KANK3: variants seen among roughly 807,000 people sequenced by gnomAD.
The protein encoded by KANK3 is KN motif and ankyrin repeat domains 3.
KANK3 carries 61 observed loss-of-function variants against 65.4 expected under a neutral mutation model. The ratio of observed to expected loss-of-function variants is 0.93; its 90% CI spans 0.76 to 1.15. KANK3 has a LOEUF of 1.15. Ranked by LOEUF, KANK3 falls within the 50% of genes most tolerant of loss-of-function variation. KANK3 has a pLI of 0.00. For missense variants in KANK3, 1,187 were observed against 1,178.8 expected, an observed-to-expected ratio of 1.01 and a Z score of -0.10; for synonymous variants, 586 against 543.3, an observed-to-expected ratio of 1.08 and a Z score of -1.09.
Position 8,335,311 on chromosome 19 carries a change from G to T in KANK3, c.516C>A (p.Asn172Lys). 1 of 1,200,122 alleles carries T rather than the reference G, an allele frequency of 8.3e-7. No individual in the cohort carries two copies. Among genetic ancestry groups the T allele is most frequent in the East Asian group, 3.6e-5 (1 of 28,052 alleles). 74.3% of individuals were successfully genotyped at this position (1,200,122 alleles called of 1,614,324 possible). A position where few individuals can be genotyped will look rare whatever the true frequency, so the allele number is the denominator to read the frequency against. The stretch of plus-strand genomic sequence containing the variant: ...CAGGGCCGGGCGAAGCAGGGGCAAG[G>T]TTAGGGGCGGGGCTGCTGCGGCCGG... ...RGSGRSSPAP[N>K]LAPASPGPAQ... Residue 172 changes from asparagine (N) to lysine (K), a missense_variant, in exon 3 of 11, where the codon AAC (asparagine) becomes AAA (lysine). Physicochemically the swap from Asn to Lys is moderately conservative, Grantham distance 94 (BLOSUM62 0). Around this residue, in one of 3 missense-constraint regions of KANK3, gnomAD observed 1,078 missense variants for 1,038.2 expected, o/e 1.04. Coordinates refer to ENST00000330915, the MANE Select transcript of KANK3 (RefSeq NM_198471.3).
chr19:8,324,485 T>TAGCA lies in KANK3; in HGVS notation c.2342_2345dup (p.His783AlafsTer27). 1 of 1,611,856 alleles carries TAGCA rather than the reference T, an allele frequency of 6.2e-7. No individual in the cohort carries two copies. Among genetic ancestry groups the TAGCA allele is most frequent in the Non-Finnish European group, 8.5e-7 (1 of 1,179,046 alleles). On this transcript the variant is annotated frameshift_variant, in exon 10 of 11. Coordinates refer to ENST00000330915, the MANE Select transcript of KANK3 (RefSeq NM_198471.3). LOFTEE classifies it low-confidence loss of function (END_TRUNC). Reference sequence around the variant, plus strand: ...GCTGGCCCGAGCTCAGGTGGGCATGTAGCAGAGCGGCCACCTCATCCTGCT... The same window carrying TAGCA: ...GCTGGCCCGAGCTCAGGTGGGCATGTAGCAAGCAGAGCGGCCACCTCATCCTGCT...
rs1396371888 is a variant in KANK3 at position 8,324,627 on chromosome 19, T to TA, written c.2283+2dup. On this transcript the variant is annotated splice_region_variant and intron_variant, in intron 9 of 10. Transcript: ENST00000330915. ...AGATGCCAGCCCCATTGTGGGGTCTTACATTGTCCAGGATGGCAGGGTCAC... is the reference window on the plus strand; with the variant it reads ...AGATGCCAGCCCCATTGTGGGGTCTTAACATTGTCCAGGATGGCAGGGTCAC... 4 of 1,613,948 alleles carry TA rather than the reference T, an allele frequency of 2.5e-6. No individual in the cohort carries two copies. The highest frequency in any genetic ancestry group is 3.4e-6 in the Non-Finnish European group (4 of 1,179,936).
At chr19:8,341,561 C>T (rs780053418) in intron 1 of KANK3, among the ~76,000 whole-genome samples, 21 of 152,288 alleles carry the variant, frequency 1.4e-4, no homozygotes, top group Non-Finnish European at 2.4e-4. Flanking sequence ...CAGGTGTGCA[C>T]CACCATGCCT....
In KANK3 at chr19:8,324,767, G is replaced by A; in HGVS notation, c.2146C>T (p.Leu716=). 1 of 1,614,076 alleles carries A rather than the reference G, an allele frequency of 6.2e-7. No homozygotes were observed. Among genetic ancestry groups the A allele is most frequent in the Non-Finnish European group, 8.5e-7 (1 of 1,180,036 alleles). Residue 716 remains leucine, a synonymous_variant, in exon 9 of 11, where the codon CTG becomes TTG. Transcript: ENST00000330915. The part of the protein sequence containing the change: ...HGRQDMVATL[L]ACGADVNAQD... ...GCATTCACATCAGCCCCACACGCCA[G>A]TAGGGTTGCCACCATGTCCTGTCGG...
chr19:8,331,368 CCT>C (rs941204411), intron 7 of KANK3, among the ~76,000 whole-genome samples: 7 of 107,172 alleles, frequency 6.5e-5, no homozygotes, highest in Non-Finnish European at 9.4e-5. Context: ...TTCACTGTCC[CCT>C]GTCTCCTACA....
chr19:8,338,214 GT>G (rs1970675696), intron 1 of KANK3, among the ~76,000 whole-genome samples: 1 of 151,574 alleles, frequency 6.6e-6, no homozygotes, highest in Admixed American at 6.6e-5. Context: ...TAGAGATGAG[GT>G]TTCACCATGT....
chr19:8,329,553 G>C (rs74933971), intron 7 of KANK3, among the ~76,000 whole-genome samples: 13 of 146,132 alleles, frequency 8.9e-5, no homozygotes, highest in Non-Finnish European at 1.5e-4. Context: ...ATGCAATCTT[G>C]AGATAAGGAG....
chr19:8,340,116 G>C (rs1425090169), intron 1 of KANK3, among the ~76,000 whole-genome samples: 1 of 151,480 alleles, frequency 6.6e-6, no homozygotes. Flanking sequence ...CATCGCCATA[G>C]CTGGACACAA....
chr19:8,339,527 T>A (rs978678267), intron 1 of KANK3, among the ~76,000 whole-genome samples: 2 of 152,040 alleles, frequency 1.3e-5, no homozygotes, highest in African/African-American at 4.8e-5. Flanking sequence ...CCTGGCTAAT[T>A]TTTTGTATTT....
chr19:8,322,886 C>T lies in KANK3; in HGVS notation c.2419G>A (p.Gly807Ser), dbSNP rs1255921646. 1 of 1,573,016 alleles carries T rather than the reference C, an allele frequency of 6.4e-7. No individual in the cohort carries two copies. The highest frequency in any genetic ancestry group is 1.9e-5 in the Admixed American group (1 of 53,260). ...SPPGSQTATP[G>S]EGECGDNGEN... ...CCATTGTCACCGCATTCTCCTTCAC[C>T]AGGTGTGGCTGTCTGGGAGCCAGGG... The change falls in exon 11 of 11, where the codon GGT (glycine) becomes AGT (serine). Residue 807 changes from glycine (G) to serine (S), a missense_variant. Coordinates refer to ENST00000330915, the MANE Select transcript of KANK3 (RefSeq NM_198471.3).
chr19:8,324,753 A>T lies in KANK3; in HGVS notation c.2160T>A (p.Ala720=), dbSNP rs1568569650. ...DMVATLLACG[A]DVNAQDADGA... ...CATCCGCATCCTGCGCATTCACATCAGCCCCACACGCCAGTAGGGTTGCCA... is the reference window on the plus strand; with the variant it reads ...CATCCGCATCCTGCGCATTCACATCTGCCCCACACGCCAGTAGGGTTGCCA... Residue 720 remains alanine, a synonymous_variant, in exon 9 of 11, where the codon GCT becomes GCA. Coordinates refer to ENST00000330915, the MANE Select transcript of KANK3 (RefSeq NM_198471.3). 5.6e-6 allele frequency: 9 copies of T among 1,614,052 alleles called. No homozygotes were observed. Among genetic ancestry groups the T allele is most frequent in the Non-Finnish European group, 7.6e-6 (9 of 1,180,014 alleles).
At position 8,333,697 on chromosome 19, in the gene KANK3, C is replaced by T. The variant is rs1471984387; in HGVS notation, c.1719+27G>A. ...TCCTTGGAGGCTCCCACGCCACTCCCTGGTGCTGCGCTCCCGGGGCACTCA... is the reference window on the plus strand; with the variant it reads ...TCCTTGGAGGCTCCCACGCCACTCCTTGGTGCTGCGCTCCCGGGGCACTCA... On this transcript the variant is annotated intron_variant, in intron 6 of 10. Coordinates refer to ENST00000330915, the MANE Select transcript of KANK3 (RefSeq NM_198471.3). The surrounding 1 kb of genome is among the most constrained non-coding windows in gnomAD (Gnocchi z 5.0). 4 of 1,437,516 alleles carry T rather than the reference C, an allele frequency of 2.8e-6. No homozygotes were observed. The highest frequency in any genetic ancestry group is 3.7e-6 in the Non-Finnish European group (4 of 1,094,384). The allele number at this position is 1,437,516 out of a possible 1,614,324, so 89.0% of individuals were successfully genotyped here. A position where few individuals can be genotyped will look rare whatever the true frequency, so the allele number is the denominator to read the frequency against.
rs1970556974 is a variant in KANK3 at position 8,333,061 on chromosome 19, C to T, written c.1889G>A (p.Ser630Asn). The T allele has an allele frequency of 6.2e-7, 1 of 1,610,242 alleles. No homozygotes were observed. The highest frequency in any genetic ancestry group is 8.5e-7 in the Non-Finnish European group (1 of 1,178,638). Reference protein sequence around the residue: ...DGNGNTALHYSVSHGNLAIAS... With the variant: ...DGNGNTALHYNVSHGNLAIAS... ...GATGGCCAGGTTCCCGTGGGACACA[C>T]TGTAGTGCAGGGCCGTGTTCCCGTT... The change falls in exon 7 of 11, where the codon AGT becomes AAT. Residue 630 changes from serine to asparagine, a missense_variant. Transcript: ENST00000330915. This position sits in a 1 kb window ranked among gnomAD's most constrained non-coding sequence, Gnocchi z 5.0.
intron 7 of KANK3, 29 bp downstream of exon 7, chr19:8,332,985 T>TTTTGGGG: frequency 1.7e-6 from 1 of 585,688 alleles, no homozygotes; most frequent in Non-Finnish European, 3.2e-6. Flanking sequence ...CATTTCCTGG[T>TTTTGGGG]GTCCCACCCA....
intron 1 of KANK3, among the ~76,000 whole-genome samples, chr19:8,342,332 C>T (rs1555684883): frequency 6.6e-6 from 1 of 152,150 alleles, no homozygotes; most frequent in Non-Finnish European, 1.5e-5. Flanking sequence ...GTGTCAGACT[C>T]TGATTGGGGG....
intron 1 of KANK3, among the ~76,000 whole-genome samples, chr19:8,338,753 T>G (rs530282930): frequency 8.0e-4 from 121 of 151,616 alleles, no homozygotes; most frequent in Non-Finnish European, 1.7e-3. Flanking sequence ...CAGGCGCCTG[T>G]AGTCCCAGCT....
chr19:8,324,704 T>G lies in KANK3; in HGVS notation c.2209A>C (p.Ser737Arg). The G allele has an allele frequency of 6.2e-7, 1 of 1,614,048 alleles. No individual in the cohort carries two copies. Among genetic ancestry groups the G allele is most frequent in the African/African-American group, 1.3e-5 (1 of 75,076 alleles). Reference sequence around the variant, plus strand: ...ACGGTGTCCAGGCGCCCATACTCACTGGCACACATCAGCGCTGTGGCCCCA... The same window carrying G: ...ACGGTGTCCAGGCGCCCATACTCACGGGCACACATCAGCGCTGTGGCCCCA... Reference protein sequence around the residue: ...ADGATALMCASEYGRLDTVRL... With the variant: ...ADGATALMCAREYGRLDTVRL... Residue 737 changes from serine (S) to arginine (R), a missense_variant, in exon 9 of 11, where the codon AGT becomes CGT. Physicochemically the swap from Ser to Arg is moderately radical, Grantham distance 110. Around this residue, in one of 3 missense-constraint regions of KANK3, gnomAD observed 1,078 missense variants for 1,038.2 expected, o/e 1.04. Coordinates refer to ENST00000330915, the MANE Select transcript of KANK3 (RefSeq NM_198471.3).
rs757525408 is a variant in KANK3 at position 8,337,812 on chromosome 19, AG to A, written c.16del (p.Leu6Ter). The A allele has an allele frequency of 6.2e-7, 1 of 1,613,392 alleles. No individual in the cohort carries two copies. Among genetic ancestry groups the A allele is most frequent in the Non-Finnish European group, 8.5e-7 (1 of 1,179,972 alleles). On this transcript the variant is annotated frameshift_variant, in exon 2 of 11. Transcript: ENST00000330915. LOFTEE classifies it high-confidence loss of function. ...ACACTCACCGGGCAGGTTCTGATTC[AG>A]GGCAAACTTGGCCATGTTTCCTGCA... MAKFA[L>X]NQNLPDLGGP...
intron 2 of KANK3, among the ~76,000 whole-genome samples, chr19:8,337,224 G>A (rs1970656687): frequency 1.4e-5 from 1 of 70,888 alleles, no homozygotes; most frequent in South Asian, 3.9e-4. Flanking sequence ...TTTTTTTTGA[G>A]ACGCAGTCTC....
Sources: allele counts gnomAD v4.1 joint callset (sites outside exome capture counted in the v4.1 genomes callset), GRCh38; gene constraint gnomAD v4.1.1; regional missense constraint gnomAD v4.1.1; non-coding constraint Gnocchi (gnomAD v3.1); transcripts MANE v1.5; gene names NCBI Gene and HGNC (gene_info 2026-07-23, HGNC 2026-07-21).